Variants in TP53BP2 observed in about 807,000 individuals in gnomAD.
The protein encoded by TP53BP2 is apoptosis-stimulating of p53 protein 2.
In TP53BP2, 62 loss-of-function variants were observed where a neutral mutation model predicts 126.2. That is an observed-to-expected ratio of 0.49 (90% CI 0.40 to 0.61). TP53BP2 has a LOEUF of 0.61. Ranked by LOEUF, TP53BP2 falls within the 20% of genes least tolerant of loss-of-function variation. The probability of loss-of-function intolerance (pLI) is 0.00; values close to 1 mark genes in which losing one functional copy is unlikely to be tolerated. For missense variants in TP53BP2, 1,215 were observed against 1,402.8 expected, an observed-to-expected ratio of 0.87 and a Z score of 2.14; for synonymous variants, 485 against 502.9, an observed-to-expected ratio of 0.96 and a Z score of 0.48.
rs538403878 is a variant in TP53BP2, at chr1:223,800,033, C to T, written c.1351G>A (p.Val451Ile). 71 of 1,608,390 alleles carry T rather than the reference C, an allele frequency of 4.4e-5. No individual in the cohort carries two copies. In the African/African-American group the frequency reaches 8.3e-4, roughly 19 times the overall value. Reference protein sequence around the residue: ...NALDQVDDGEVPLREKEKKVR... With the variant: ...NALDQVDDGEIPLREKEKKVR... ...TTCTTCTCTTTCTCCCTCAGCGGAA[C>T]CTCTCCATCATCAACTAAAGACAAA... Residue 451 changes from valine to isoleucine, a missense_variant, in exon 11 of 18, where the codon GTT becomes ATT. Physicochemically the swap from Val to Ile is conservative, Grantham distance 29 (BLOSUM62 3). Around this residue, in one of 4 missense-constraint regions of TP53BP2, gnomAD observed 814 missense variants for 853.0 expected, o/e 0.95. Coordinates refer to ENST00000343537, the MANE Select transcript of TP53BP2 (RefSeq NM_001031685.3).
At chr1:223,837,655 T>A (rs1166005919) in intron 1 of TP53BP2, among the ~76,000 whole-genome samples, 3 of 152,210 alleles carry the variant, frequency 2.0e-5, no homozygotes, top group Admixed American at 2.0e-4. Flanking sequence ...AATTTATTTT[T>A]GGCAGCTTTC....
intron 12 of TP53BP2, 136 bp downstream of exon 12, chr1:223,798,079 T>G: frequency 1.2e-6 from 1 of 813,832 alleles, no homozygotes; most frequent in Non-Finnish European, 1.9e-6. Context: ...AAACTCCCAG[T>G]AAAGAACAGA....
chr1:223,806,889 T>C lies in TP53BP2; in HGVS notation c.431A>G (p.Gln144Arg). Residue 144 changes from glutamine (Q) to arginine (R), a missense_variant, in exon 5 of 18, where the codon CAG becomes CGG. By Grantham distance (43) the Gln-to-Arg change is conservative. This residue lies in a region of TP53BP2 where 814 missense variants were observed against 853.0 expected (regional missense o/e 0.95). Coordinates refer to ENST00000343537, the MANE Select transcript of TP53BP2 (RefSeq NM_001031685.3). ...TTGCTGGGCTTCAATCTGTTGCTGC[T>C]GGCGAGATGCCATTTCCTGAAGTTC... The part of the protein sequence containing the change: ...LAELQEMASR[Q>R]QQQIEAQQQL... The C allele has an allele frequency of 6.2e-7, 1 of 1,614,116 alleles. No individual in the cohort carries two copies. The highest frequency in any genetic ancestry group is 8.5e-7 in the Non-Finnish European group (1 of 1,179,984).
At chr1:223,807,451 T>C (rs1662763128) in intron 4 of TP53BP2, among the ~76,000 whole-genome samples, 2 of 152,152 alleles carry the variant, frequency 1.3e-5, no homozygotes, top group Non-Finnish European at 2.9e-5. Context: ...CTAGAGGTTC[T>C]AGCCAATGCA....
At chr1:223,820,017 G>A (rs969116047) in intron 2 of TP53BP2, among the ~76,000 whole-genome samples, 2 of 152,204 alleles carry the variant, frequency 1.3e-5, no homozygotes, top group Non-Finnish European at 2.9e-5. Context: ...GATTACATCA[G>A]GATGATGTAA....
chr1:223,790,447 A>G (rs1474189502), intron 15 of TP53BP2, among the ~76,000 whole-genome samples: 1 of 151,952 alleles, frequency 6.6e-6, no homozygotes, highest in Non-Finnish European at 1.5e-5. Context: ...GGTCCTAGCT[A>G]CTTGGGAGGC....
At chr1:223,825,026 A>AACACACACAC (rs3058420) in intron 1 of TP53BP2, among the ~76,000 whole-genome samples, 7,512 of 143,480 alleles carry the variant, frequency 0.052, 241 homozygotes, top group Admixed American at 0.067. Context: ...TCCAACACCA[A>AACACACACAC]ACACACACAC....
chr1:223,819,905 C>T (rs1179134891), intron 2 of TP53BP2, among the ~76,000 whole-genome samples: 2 of 152,084 alleles, frequency 1.3e-5, no homozygotes, highest in Non-Finnish European at 2.9e-5. Context: ...AGGTCTCTAC[C>T]CTTAAATAGT....
chr1:223,809,527 A>G (rs906879923), intron 4 of TP53BP2, among the ~76,000 whole-genome samples: 8 of 152,138 alleles, frequency 5.3e-5, no homozygotes, highest in African/African-American at 1.9e-4. Flanking sequence ...AGATCACACC[A>G]CTGCACTCCA....
rs899227356 is a variant in TP53BP2, at chr1:223,845,185, G to A, written c.27+469C>T. On this transcript the variant is annotated intron_variant, in intron 1 of 17. Transcript: ENST00000343537. ...ACAAAGAGGTAAGGGTGACTTAGCTGCTACTGTGGATATCAAGATCGAAAT... is the reference window on the plus strand; with the variant it reads ...ACAAAGAGGTAAGGGTGACTTAGCTACTACTGTGGATATCAAGATCGAAAT... 24 of 954,168 alleles carry A rather than the reference G, an allele frequency of 2.5e-5. No homozygotes were observed. The African/African-American group carries it at 4.1e-4, about 16-fold the overall frequency. 59.1% of individuals were successfully genotyped at this position (954,168 alleles called of 1,614,324 possible).
chr1:223,802,627 G>A, intron 8 of TP53BP2, 104 bp downstream of exon 8: 1 of 1,353,100 alleles, frequency 7.4e-7, no homozygotes, highest in South Asian at 1.4e-5. Context: ...GTTTTCTGAG[G>A]GCACACTGAG....
intron 1 of TP53BP2, among the ~76,000 whole-genome samples, chr1:223,839,402 G>GA (rs1664031548): frequency 6.6e-6 from 1 of 152,174 alleles, no homozygotes; most frequent in Non-Finnish European, 1.5e-5. Context: ...AGGGAAGTTA[G>GA]AGTGAAGCTT....
intron 16 of TP53BP2, among the ~76,000 whole-genome samples, chr1:223,788,099 A>T (rs917908193): frequency 1.3e-5 from 2 of 151,902 alleles, no homozygotes; most frequent in Admixed American, 1.3e-4. Context: ...AAATATCAGC[A>T]ATTAAAAACT....
At chr1:223,781,923 C>A (rs1661790152) in intron 17 of TP53BP2, among the ~76,000 whole-genome samples, 1 of 152,122 alleles carries the variant, frequency 6.6e-6, no homozygotes, top group Non-Finnish European at 1.5e-5. Context: ...AATATTCAGT[C>A]CAGTCTGTTA....
intron 2 of TP53BP2, among the ~76,000 whole-genome samples, chr1:223,816,320 A>C (rs1408785668): frequency 6.6e-6 from 1 of 152,238 alleles, no homozygotes. Flanking sequence ...GAAATGCAAA[A>C]GGAAACAAGA....
chr1:223,820,665 A>G (rs950125677), intron 2 of TP53BP2, among the ~76,000 whole-genome samples: 12 of 152,220 alleles, frequency 7.9e-5, no homozygotes, highest in African/African-American at 2.9e-4. Flanking sequence ...GAGTTCATCC[A>G]GCCTGTGTAG....
intron 7 of TP53BP2, 79 bp from the exon 8 acceptor site, chr1:223,802,974 A>G: frequency 6.9e-7 from 1 of 1,441,316 alleles, no homozygotes; most frequent in Non-Finnish European, 9.5e-7. Context: ...ATGGTTAACT[A>G]TTATATAATT....
intron 16 of TP53BP2, among the ~76,000 whole-genome samples, chr1:223,785,229 T>C (rs1254782089): frequency 2.0e-5 from 3 of 152,242 alleles, no homozygotes; most frequent in Admixed American, 1.3e-4. Flanking sequence ...AGTTAGCTTT[T>C]TCAACTTATG....
At chr1:223,804,373 T>A in intron 5 of TP53BP2, 25 bp from the exon 6 acceptor site, 1 of 1,607,618 alleles carries the variant, frequency 6.2e-7, no homozygotes, top group Non-Finnish European at 8.5e-7. Context: ...AATCATTAGG[T>A]ATGTCATTTT....
Sources: gnomAD v4.1 joint callset for allele counts (sites outside exome capture counted in the v4.1 genomes callset) on GRCh38, gnomAD v4.1.1 for gene constraint, gnomAD v4.1.1 regional missense constraint, MANE v1.5 for transcripts, NCBI Gene and HGNC (gene_info 2026-07-23, HGNC 2026-07-21) for gene names.